The following SPON1 variants were observed in gnomAD, a reference collection of about 807,000 sequenced individuals.
The protein encoded by SPON1 is spondin 1.
In SPON1, 52 loss-of-function variants were observed where a neutral mutation model predicts 111.7. The ratio of observed to expected loss-of-function variants is 0.47; its 90% CI spans 0.37 to 0.59. SPON1 has a LOEUF of 0.59. Among genes scored for constraint, SPON1 ranks in the 20% least tolerant of loss-of-function variants. The pLI is 0.00. For missense variants in SPON1, 957 were observed against 1,068.5 expected, an observed-to-expected ratio of 0.90 and a Z score of 1.46; for synonymous variants, 410 against 395.8, an observed-to-expected ratio of 1.04 and a Z score of -0.43.
intron 6 of SPON1, among the ~76,000 whole-genome samples, chr11:14,191,269 G>C (rs1169988868): frequency 2.0e-5 from 3 of 152,198 alleles, no homozygotes; most frequent in African/African-American, 7.2e-5. Flanking sequence ...GGACCAATGA[G>C]AACTAGTCTC....
chr11:13,981,727 C>T (rs1322012720), intron 1 of SPON1, among the ~76,000 whole-genome samples: 1 of 152,178 alleles, frequency 6.6e-6, no homozygotes, highest in Non-Finnish European at 1.5e-5. Flanking sequence ...CCCTCCACAA[C>T]ATAAGTTTAT....
chr11:14,025,740 C>T (rs1848513148), intron 2 of SPON1, among the ~76,000 whole-genome samples: 1 of 152,086 alleles, frequency 6.6e-6, no homozygotes, highest in Non-Finnish European at 1.5e-5. Context: ...GAGGAAGTGA[C>T]TCATCAGGTG....
At chr11:14,102,607 T>C (rs76248767) in intron 5 of SPON1, among the ~76,000 whole-genome samples, 297 of 152,356 alleles carry the variant, frequency 1.9e-3, no homozygotes, top group African/African-American at 6.6e-3. Context: ...TAAGATTATA[T>C]ACTGCATTTA....
At chr11:14,140,333 T>C (rs1172289952) in intron 6 of SPON1, among the ~76,000 whole-genome samples, 1 of 152,268 alleles carries the variant, frequency 6.6e-6, no homozygotes, top group Non-Finnish European at 1.5e-5. Context: ...TTCATTGAAC[T>C]TGCTCTCTCA....
chr11:14,160,338 A>G (rs1218043957), intron 6 of SPON1, among the ~76,000 whole-genome samples: 2 of 131,324 alleles, frequency 1.5e-5, no homozygotes, highest in Non-Finnish European at 3.1e-5. Flanking sequence ...GCTACTGAAC[A>G]TTATAGCTCA....
intron 1 of SPON1, among the ~76,000 whole-genome samples, chr11:13,967,408 T>G (rs1848026127): frequency 6.6e-6 from 1 of 152,146 alleles, no homozygotes; most frequent in Non-Finnish European, 1.5e-5. Flanking sequence ...TCTTATTGGC[T>G]TCAGTGTTGC....
At chr11:14,077,736 C>G (rs1685847606) in intron 4 of SPON1, among the ~76,000 whole-genome samples, 1 of 151,916 alleles carries the variant, frequency 6.6e-6, no homozygotes, top group Non-Finnish European at 1.5e-5. Context: ...CCGCTCATCT[C>G]TGCCTCCTAA....
At chr11:14,160,471 A>G (rs1399713791) in intron 6 of SPON1, among the ~76,000 whole-genome samples, 1 of 16,044 alleles carries the variant, frequency 6.2e-5, no homozygotes, top group Non-Finnish European at 9.8e-5. Flanking sequence ...ATATATATTT[A>G]TATATATATT....
At chr11:14,235,177 G>A (rs1258382801) in intron 6 of SPON1, among the ~76,000 whole-genome samples, 2 of 152,200 alleles carry the variant, frequency 1.3e-5, no homozygotes, top group Non-Finnish European at 2.9e-5. Context: ...CACTGCGCTG[G>A]CTCCATCCTA....
chr11:14,047,507 T>A (rs962362628), intron 3 of SPON1, among the ~76,000 whole-genome samples: 10 of 152,156 alleles, frequency 6.6e-5, no homozygotes, highest in African/African-American at 2.4e-4. Flanking sequence ...TTCAGCCTAG[T>A]TGTGATGTAT....
chr11:14,075,730 G>A (rs1848912523), intron 4 of SPON1, among the ~76,000 whole-genome samples: 1 of 152,114 alleles, frequency 6.6e-6, no homozygotes, highest in Non-Finnish European at 1.5e-5. Context: ...CTTAATTAAG[G>A]AATGCACAAT....
intron 6 of SPON1, among the ~76,000 whole-genome samples, chr11:14,218,472 A>G (rs910277356): frequency 6.6e-6 from 1 of 152,180 alleles, no homozygotes; most frequent in Non-Finnish European, 1.5e-5. Context: ...GAGGGCAGGA[A>G]CAACATCCTA....
At chr11:14,100,280 G>A (rs184102559) in intron 5 of SPON1, among the ~76,000 whole-genome samples, 15 of 152,068 alleles carry the variant, frequency 9.9e-5, no homozygotes, top group Admixed American at 9.2e-4. Context: ...TCTGGGCCTT[G>A]TTGTTTGTTC....
At chr11:13,996,830 T>C (rs1848276439) in intron 2 of SPON1, among the ~76,000 whole-genome samples, 1 of 152,216 alleles carries the variant, frequency 6.6e-6, no homozygotes, top group Non-Finnish European at 1.5e-5. Flanking sequence ...ATTGTGAACA[T>C]ATTTCAATGA....
intron 2 of SPON1, among the ~76,000 whole-genome samples, chr11:14,019,862 A>G (rs576231750): frequency 6.6e-6 from 1 of 152,262 alleles, no homozygotes; most frequent in South Asian, 2.1e-4. Flanking sequence ...GAGAAGGAGG[A>G]TAGTGGGGGA....
At chr11:14,215,001 T>C (rs1848612121) in intron 6 of SPON1, among the ~76,000 whole-genome samples, 1 of 152,242 alleles carries the variant, frequency 6.6e-6, no homozygotes, top group Admixed American at 6.5e-5. Context: ...ATTCATGTCA[T>C]CAGGGACTAA....
intron 6 of SPON1, among the ~76,000 whole-genome samples, chr11:14,219,939 T>A (rs1436579659): frequency 6.6e-6 from 1 of 152,026 alleles, no homozygotes; most frequent in African/African-American, 2.4e-5. Context: ...GTACAAAAAT[T>A]AGCTGGGCGT....
intron 11 of SPON1, among the ~76,000 whole-genome samples, chr11:14,258,655 C>G (rs563471565): frequency 6.6e-6 from 1 of 152,258 alleles, no homozygotes; most frequent in Non-Finnish European, 1.5e-5. Context: ...TTATCCCATG[C>G]AGGTCATTAA....
chr11:14,141,759 TG>T (rs1202754064), intron 6 of SPON1, among the ~76,000 whole-genome samples: 1 of 152,242 alleles, frequency 6.6e-6, no homozygotes, highest in Non-Finnish European at 1.5e-5. Flanking sequence ...ACTAAACTAT[TG>T]TTTTTTTCTG....
Sources: allele counts gnomAD v4.1 joint callset (sites outside exome capture counted in the v4.1 genomes callset), GRCh38; gene constraint gnomAD v4.1.1; transcripts MANE v1.5; gene names NCBI Gene and HGNC (gene_info 2026-07-23, HGNC 2026-07-21).